The following CPEB2 variants were observed in gnomAD, a reference collection of about 807,000 sequenced individuals.
CPEB2 encodes cytoplasmic polyadenylation element-binding protein 2.
In CPEB2, 56 loss-of-function variants were observed where a neutral mutation model predicts 93.6. The observed-to-expected ratio is 0.60, with a 90% CI of 0.48 to 0.75. The LOEUF (loss-of-function observed/expected upper bound fraction) is 0.75, where lower values mean the gene tolerates loss of function less well. Ranked by LOEUF, CPEB2 falls within the 30% of genes least tolerant of loss-of-function variation. CPEB2 has a pLI of 0.00. For missense variants in CPEB2, 1,579 were observed against 1,395.1 expected (o/e 1.13, Z -2.10); for synonymous variants, 764 against 586.3 (o/e 1.30, Z -4.38).
intron 10 of CPEB2, among the ~76,000 whole-genome samples, chr4:15,061,413 T>C (rs755133411): frequency 9.2e-5 from 14 of 151,996 alleles, no homozygotes; most frequent in Non-Finnish European, 1.5e-4. Flanking sequence ...AGAAGCCAGA[T>C]GGAGAAAATA....
At chr4:15,040,634 T>C in intron 6 of CPEB2, 147 bp downstream of exon 6, 1 of 663,322 alleles carries the variant, frequency 1.5e-6, no homozygotes, top group Non-Finnish European at 2.5e-6. Context: ...AGTTTTTAAT[T>C]TTAAATCTCC....
At chr4:15,048,247 C>T (rs545678692) in intron 6 of CPEB2, among the ~76,000 whole-genome samples, 37 of 151,904 alleles carry the variant, frequency 2.4e-4, no homozygotes, top group Non-Finnish European at 1.2e-4. Flanking sequence ...TTGTGAAGTG[C>T]TTCCTCTTTC....
chr4:15,034,743 A>G (rs1015640946), intron 5 of CPEB2, among the ~76,000 whole-genome samples: 13 of 152,196 alleles, frequency 8.5e-5, no homozygotes, highest in Admixed American at 2.6e-4. Flanking sequence ...ATAATTGGGA[A>G]TATTTGTGGG....
At position 15,070,089 on chromosome 4, in the gene CPEB2, TTAAG is replaced by T. The variant is rs1279239121; in HGVS notation, c.*3713_*3716del. ...AATAGTTTGCTGCCAACTATTTATA[TTAAG>T]TAATTTTTAAATATTTGTAATATTG... is the stretch of plus-strand genomic sequence containing the variant. On this transcript the variant is annotated 3_prime_UTR_variant, in exon 12 of 12. Transcript: ENST00000538197. 4.6e-5 allele frequency: 7 copies of T among 152,322 alleles called. No homozygotes were observed. Among genetic ancestry groups the T allele is most frequent in the African/African-American group, 2.4e-5 (1 of 41,430 alleles). 9.4% of individuals were successfully genotyped at this position (152,322 alleles called of 1,614,324 possible). A position where few individuals can be genotyped will look rare whatever the true frequency, so the allele number is the denominator to read the frequency against.
At chr4:15,050,316 A>T (rs977221053) in intron 6 of CPEB2, among the ~76,000 whole-genome samples, 3 of 152,178 alleles carry the variant, frequency 2.0e-5, no homozygotes, top group African/African-American at 7.2e-5. Flanking sequence ...CTGAGGTGGA[A>T]CATTTTCATC....
chr4:15,041,727 A>G (rs999367768), intron 6 of CPEB2, among the ~76,000 whole-genome samples: 2 of 152,052 alleles, frequency 1.3e-5, no homozygotes, highest in African/African-American at 2.4e-5. Flanking sequence ...TTTCTTTTCA[A>G]CTAGTCATGA....
Position 15,047,010 on chromosome 4 carries a change from A to G in CPEB2, c.2201-5404A>G, listed in dbSNP as rs564864602. On this transcript the variant is annotated intron_variant, in intron 6 of 11. Coordinates refer to ENST00000538197, the MANE Select transcript of CPEB2 (RefSeq NM_001177382.2). ...GATCAAATTTATTTTTCCCCCTCCA[A>G]CTAGAAATCCATTTATTGAAAAGAT... Among the ~76,000 whole-genome samples, 6 of 152,242 alleles carry G rather than the reference A, an allele frequency of 3.9e-5. 1 individual carries two copies. Among genetic ancestry groups the G allele is most frequent in the African/African-American group, 1.4e-4 (6 of 41,554 alleles).
chr4:15,056,079 A>G (rs183733879), intron 8 of CPEB2, among the ~76,000 whole-genome samples: 10 of 152,240 alleles, frequency 6.6e-5, no homozygotes, highest in East Asian at 1.9e-4. Flanking sequence ...GTTTCTTTCA[A>G]TGGTCTGTAA....
chr4:15,002,918 C>CT lies in CPEB2; in HGVS notation c.247dup (p.Ser83PhefsTer14), dbSNP rs1560203001. ...GGCAGCCCGGCCGCCGCCGCTTCCT[C>CT]TTCCTCCCCGTTCCTGGCGCATCAG... On this transcript the variant is annotated frameshift_variant, in exon 1 of 12. Transcript: ENST00000538197. LOFTEE classifies it high-confidence loss of function. The CT allele has an allele frequency of 6.6e-7, 1 of 1,516,362 alleles. No individual in the cohort carries two copies. The highest frequency in any genetic ancestry group is 2.3e-5 in the Admixed American group (1 of 44,018). 93.9% of individuals were successfully genotyped at this position (1,516,362 alleles called of 1,614,324 possible).
At chr4:15,042,860 C>G (rs1727314565) in intron 6 of CPEB2, among the ~76,000 whole-genome samples, 1 of 152,092 alleles carries the variant, frequency 6.6e-6, no homozygotes, top group African/African-American at 2.4e-5. Context: ...TTTTAACCAC[C>G]AAACACCCCC....
chr4:15,027,090 T>C (rs1725562438), intron 4 of CPEB2, among the ~76,000 whole-genome samples: 1 of 152,238 alleles, frequency 6.6e-6, no homozygotes, highest in South Asian at 2.1e-4. Context: ...TATAGGTATA[T>C]GATAATATAT....
At chr4:15,021,512 T>C (rs928649530) in intron 4 of CPEB2, among the ~76,000 whole-genome samples, 4 of 152,168 alleles carry the variant, frequency 2.6e-5, no homozygotes. Context: ...TAAAAAGGCT[T>C]ACTGTGTGAG....
chr4:15,004,451 G>A, intron 1 of CPEB2, 116 bp downstream of exon 1: 1 of 706,388 alleles, frequency 1.4e-6, no homozygotes, highest in Non-Finnish European at 2.1e-6. Context: ...GCCGCGACGG[G>A]GGCCACTCGC....
At chr4:15,053,796 G>A (rs1728464338) in intron 7 of CPEB2, among the ~76,000 whole-genome samples, 1 of 151,908 alleles carries the variant, frequency 6.6e-6, no homozygotes, top group African/African-American at 2.4e-5. Context: ...ATTTATATAT[G>A]TTGGCATTTT....
chr4:15,062,294 A>G (rs1186104845), intron 11 of CPEB2, 34 bp downstream of exon 11: 4 of 1,537,748 alleles, frequency 2.6e-6, no homozygotes, highest in East Asian at 2.3e-5. Flanking sequence ...CTTATGTCCT[A>G]TAATAAGGTG....
intron 4 of CPEB2, among the ~76,000 whole-genome samples, chr4:15,019,282 A>G (rs1023042795): frequency 2.6e-5 from 4 of 151,842 alleles, no homozygotes; most frequent in Non-Finnish European, 4.4e-5. Context: ...ATTTAAAATT[A>G]TCTTGGTACT....
chr4:15,010,328 T>A (rs552598745), intron 3 of CPEB2, among the ~76,000 whole-genome samples: 1 of 152,306 alleles, frequency 6.6e-6, no homozygotes, highest in East Asian at 1.9e-4. Context: ...TTTTCCTCCA[T>A]GCTGCCCCAC....
intron 5 of CPEB2, among the ~76,000 whole-genome samples, chr4:15,035,294 C>T (rs535735675): frequency 1.3e-5 from 2 of 151,958 alleles, no homozygotes; most frequent in South Asian, 4.1e-4. Context: ...TGAGTTTAAA[C>T]CCAGGTTGGC....
intron 8 of CPEB2, among the ~76,000 whole-genome samples, chr4:15,054,980 C>T (rs1728579852): frequency 6.6e-6 from 1 of 152,126 alleles, no homozygotes; most frequent in African/African-American, 2.4e-5. Flanking sequence ...AGTTTCATGA[C>T]TTAGTGAATT....
Sources: allele counts gnomAD v4.1 joint callset (sites outside exome capture counted in the v4.1 genomes callset), GRCh38; gene constraint gnomAD v4.1.1; transcripts MANE v1.5; gene names NCBI Gene and HGNC (gene_info 2026-07-23, HGNC 2026-07-21).